PRKG1: variants seen among roughly 807,000 people sequenced by gnomAD.
PRKG1 encodes protein kinase cGMP-dependent 1.
A neutral mutation model predicts 88.1 loss-of-function variants in PRKG1; 35 were observed. The ratio of observed to expected loss-of-function variants is 0.40; its 90% CI spans 0.30 to 0.53. The LOEUF (loss-of-function observed/expected upper bound fraction) is 0.53. PRKG1 is among the 20% of genes least tolerant of loss of function. The pLI is 0.59. For missense variants in PRKG1, 540 were observed against 839.8 expected, an observed-to-expected ratio of 0.64 and a Z score of 4.41; for synonymous variants, 303 against 292.5, an observed-to-expected ratio of 1.04 and a Z score of -0.37.
chr10:51,740,938 AAAGC>A (rs1837417380), intron 3 of PRKG1, among the ~76,000 whole-genome samples: 1 of 134,954 alleles, frequency 7.4e-6, no homozygotes, highest in Non-Finnish European at 1.8e-5. Flanking sequence ...GAAAAAAAAA[AAAGC>A]ATCAAGAGAT....
At chr10:52,107,323 G>A (rs780581756) in intron 7 of PRKG1, among the ~76,000 whole-genome samples, 2 of 152,198 alleles carry the variant, frequency 1.3e-5, no homozygotes, top group Non-Finnish European at 2.9e-5. Flanking sequence ...CATGGGAAAA[G>A]ATTGTAGTCC....
chr10:51,240,575 C>T (rs200124124), intron 2 of PRKG1, among the ~76,000 whole-genome samples: 26 of 152,254 alleles, frequency 1.7e-4, no homozygotes, highest in African/African-American at 5.5e-4. Context: ...TCAAATTATG[C>T]CTCTTTAATA....
intron 9 of PRKG1, among the ~76,000 whole-genome samples, chr10:52,250,184 G>T (rs189587707): frequency 2.6e-5 from 4 of 152,302 alleles, no homozygotes; most frequent in Non-Finnish European, 4.4e-5. Context: ...TCTCTTGAGT[G>T]TGTAGTTAAT....
chr10:51,818,058 G>T (rs1839638745), intron 4 of PRKG1, among the ~76,000 whole-genome samples: 1 of 152,088 alleles, frequency 6.6e-6, no homozygotes, highest in East Asian at 1.9e-4. Flanking sequence ...AAGACAGTGT[G>T]CCAGAATGTA....
chr10:52,088,699 C>A lies in PRKG1; in HGVS notation c.935+26068C>A, dbSNP rs571530697. On this transcript the variant is annotated intron_variant, in intron 7 of 17. Transcript: ENST00000373980. ...AGCACCTTGATCTTGGACTTCCCAA[C>A]CTCTAGAACTGTAAGAAGTAAATTC... 3.3e-5 allele frequency among the ~76,000 whole-genome samples: 5 copies of A among 152,292 alleles called. No homozygotes were observed. In the South Asian group the frequency reaches 1.0e-3, roughly 32 times the overall value.
At chr10:51,848,246 C>T (rs1393332495) in intron 4 of PRKG1, among the ~76,000 whole-genome samples, 1 of 151,982 alleles carries the variant, frequency 6.6e-6, no homozygotes, top group Non-Finnish European at 1.5e-5. Flanking sequence ...TAGTGAGACT[C>T]AAATTGAAAT....
chr10:52,024,501 C>G (rs1396109003), intron 5 of PRKG1, among the ~76,000 whole-genome samples: 1 of 151,978 alleles, frequency 6.6e-6, no homozygotes, highest in Non-Finnish European at 1.5e-5. Context: ...CACGACAGGC[C>G]CCAGTGTCTG....
Position 51,099,472 on chromosome 10 carries a change from C to G in PRKG1, c.311+24571C>G, listed in dbSNP as rs573929432. On this transcript the variant is annotated intron_variant, in intron 1 of 17. Transcript: ENST00000373980. ...GCATTGCAACAATGGATGATTTTCTCTAGTTTAAAGAGGTGTTTGTGGGCT... is the reference window on the plus strand; with the variant it reads ...GCATTGCAACAATGGATGATTTTCTGTAGTTTAAAGAGGTGTTTGTGGGCT... Among the ~76,000 whole-genome samples the G allele has an allele frequency of 3.9e-5, 6 of 151,928 alleles. No homozygotes were observed. The South Asian group carries it at 1.2e-3, about 32-fold the overall frequency.
At chr10:51,908,606 A>G (rs1468329389) in intron 5 of PRKG1, 1 of 151,656 alleles carries the variant, frequency 6.6e-6, no homozygotes, top group Non-Finnish European at 1.5e-5. Context: ...AAAAATAAAT[A>G]AAGAAGCTGC....
At chr10:51,266,538 T>A (rs923605757) in intron 2 of PRKG1, among the ~76,000 whole-genome samples, 1 of 152,226 alleles carries the variant, frequency 6.6e-6, no homozygotes, top group Non-Finnish European at 1.5e-5. Context: ...TTGATAAGAA[T>A]TTGGTTTTCC....
chr10:52,040,832 C>CTTTTTAT (rs1845736764), intron 5 of PRKG1, among the ~76,000 whole-genome samples: 1 of 85,260 alleles, frequency 1.2e-5, no homozygotes, highest in Non-Finnish European at 2.1e-5. Flanking sequence ...AATGGCTTTT[C>CTTTTTAT]TTTTTTTTTT....
chr10:51,306,036 G>A (rs1261544564), intron 2 of PRKG1, among the ~76,000 whole-genome samples: 1 of 152,090 alleles, frequency 6.6e-6, no homozygotes, highest in Non-Finnish European at 1.5e-5. Context: ...GTTAATTCTT[G>A]GAATAGCTCT....
At chr10:51,935,783 T>A (rs1422834980) in intron 5 of PRKG1, among the ~76,000 whole-genome samples, 1 of 152,152 alleles carries the variant, frequency 6.6e-6, no homozygotes, top group Non-Finnish European at 1.5e-5. Context: ...TTGTCACCTT[T>A]ACAAGCTATG....
At chr10:50,993,720 A>C (rs557955149) in intron 1 of PRKG1, among the ~76,000 whole-genome samples, 2 of 152,344 alleles carry the variant, frequency 1.3e-5, no homozygotes, top group Admixed American at 1.3e-4. Context: ...TTTCACCAGG[A>C]TATGGAGGGG....
chr10:52,191,801 A>G (rs1034864594), intron 9 of PRKG1, among the ~76,000 whole-genome samples: 58 of 152,340 alleles, frequency 3.8e-4, no homozygotes, highest in African/African-American at 1.3e-3. Context: ...TTAGTACACA[A>G]TGATGATGAT....
chr10:50,993,164 G>A (rs939242677), intron 1 of PRKG1, among the ~76,000 whole-genome samples: 1 of 152,216 alleles, frequency 6.6e-6, no homozygotes, highest in African/African-American at 2.4e-5. Context: ...AGGCTGAGCA[G>A]CGGTTCAGAG....
intron 3 of PRKG1, among the ~76,000 whole-genome samples, chr10:51,524,919 T>A (rs958780611): frequency 6.6e-6 from 1 of 152,234 alleles, no homozygotes; most frequent in African/African-American, 2.4e-5. Context: ...ATGAACAGTT[T>A]TTTCAAGAAT....
At chr10:51,273,782 T>C (rs1207347082) in intron 2 of PRKG1, among the ~76,000 whole-genome samples, 2 of 152,220 alleles carry the variant, frequency 1.3e-5, no homozygotes, top group African/African-American at 4.8e-5. Context: ...AGATGAATCC[T>C]GTACACTTTC....
intron 5 of PRKG1, among the ~76,000 whole-genome samples, chr10:51,938,478 G>C (rs1173906465): frequency 6.6e-6 from 1 of 151,960 alleles, no homozygotes; most frequent in Non-Finnish European, 1.5e-5. Context: ...GAGCAAGGTG[G>C]AAAGACATTT....
Sources: allele counts gnomAD v4.1 joint callset (sites outside exome capture counted in the v4.1 genomes callset), GRCh38; gene constraint gnomAD v4.1.1; transcripts MANE v1.5; gene names NCBI Gene and HGNC (gene_info 2026-07-23, HGNC 2026-07-21).